CYP2C18: variants seen among roughly 807,000 people sequenced by gnomAD.
The protein encoded by CYP2C18 is cytochrome P450 family 2 subfamily C member 18.
In CYP2C18, 38 loss-of-function variants were observed where a neutral mutation model predicts 41.3. That is an observed-to-expected ratio of 0.92 (90% confidence interval 0.71 to 1.21). The LOEUF (loss-of-function observed/expected upper bound fraction) is 1.21. CYP2C18 is among the 50% of genes most tolerant of loss of function. The pLI, the probability that CYP2C18 is intolerant of heterozygous loss-of-function variation, is 0.00. For synonymous variants in CYP2C18, 236 were observed against 210.0 expected, an observed-to-expected ratio of 1.12 and a Z score of -1.07; for missense variants, 635 against 591.4, an observed-to-expected ratio of 1.07 and a Z score of -0.77.
chr10:94,693,972 C>A (rs926906982), intron 3 of CYP2C18, among the ~76,000 whole-genome samples: 2 of 152,096 alleles, frequency 1.3e-5, no homozygotes, highest in African/African-American at 4.8e-5. Context: ...GTAATCCAAG[C>A]TGAAAATCAG....
In CYP2C18 at chr10:94,694,966, G is replaced by A; in HGVS notation, c.531G>A (p.Val177=). 2.5e-6 allele frequency: 4 copies of A among 1,613,202 alleles called. No homozygotes were observed. Among genetic ancestry groups the A allele is most frequent in the Non-Finnish European group, 3.4e-6 (4 of 1,179,896 alleles). Residue 177 remains valine (V), a synonymous_variant, in exon 4 of 9, where the codon GTG becomes GTA. Coordinates refer to ENST00000285979, the MANE Select transcript of CYP2C18 (RefSeq NM_000772.3). ...TFILGCAPCN[V]ICSVIFHDRF... is the part of the protein sequence containing the mutation. The stretch of plus-strand genomic sequence containing the variant: ...TCCTGGGCTGTGCTCCCTGCAATGT[G>A]ATCTGCTCTGTTATTTTCCATGATC...
chr10:94,701,803 CAGCAG>C (rs1230205814), intron 4 of CYP2C18, among the ~76,000 whole-genome samples: 1 of 152,016 alleles, frequency 6.6e-6, no homozygotes, highest in Non-Finnish European at 1.5e-5. Context: ...ACCTAAACAG[CAGCAG>C]AGAGAATGAG....
At chr10:94,712,007 A>G (rs1847443801) in intron 5 of CYP2C18, among the ~76,000 whole-genome samples, 1 of 88,482 alleles carries the variant, frequency 1.1e-5, no homozygotes, top group Non-Finnish European at 2.2e-5. Flanking sequence ...ATGCCCAACT[A>G]ATTTTTTTTT....
chr10:94,701,534 G>A (rs1847245382), intron 4 of CYP2C18, among the ~76,000 whole-genome samples: 1 of 151,982 alleles, frequency 6.6e-6, no homozygotes, highest in Non-Finnish European at 1.5e-5. Flanking sequence ...AGAGTTAATG[G>A]GTGCAGCACA....
intron 7 of CYP2C18, among the ~76,000 whole-genome samples, chr10:94,727,253 A>T (rs574710455): frequency 6.6e-6 from 1 of 152,262 alleles, no homozygotes; most frequent in African/African-American, 2.4e-5. Context: ...TTGGCTAAAC[A>T]TTTACTTGCG....
At chr10:94,711,514 C>A (rs1310400715) in intron 5 of CYP2C18, among the ~76,000 whole-genome samples, 2 of 151,888 alleles carry the variant, frequency 1.3e-5, no homozygotes, top group Admixed American at 1.3e-4. Flanking sequence ...CTCAAGTGAT[C>A]CTCCCACCTC....
chr10:94,722,182 G>T (rs955829868), intron 6 of CYP2C18, among the ~76,000 whole-genome samples: 22 of 152,052 alleles, frequency 1.4e-4, no homozygotes, highest in African/African-American at 4.8e-4. Flanking sequence ...GTATAATAAA[G>T]GTGTATGATA....
At chr10:94,687,988 A>G in intron 2 of CYP2C18, 56 bp downstream of exon 2, 1 of 1,600,314 alleles carries the variant, frequency 6.2e-7, no homozygotes, top group Non-Finnish European at 8.5e-7. Context: ...GGCAGTGGCT[A>G]TAGGGATGGG....
intron 1 of CYP2C18, among the ~76,000 whole-genome samples, chr10:94,685,222 T>G (rs74615912): frequency 6.6e-4 from 101 of 152,110 alleles, no homozygotes; most frequent in Non-Finnish European, 1.3e-3. Context: ...TTTGTAGAGA[T>G]GTGGTCTCAT....
chr10:94,699,041 A>G (rs921588790), intron 4 of CYP2C18, among the ~76,000 whole-genome samples: 2 of 152,232 alleles, frequency 1.3e-5, no homozygotes, highest in South Asian at 2.1e-4. Flanking sequence ...GCTGAATTCT[A>G]TCATAGGTAC....
chr10:94,714,906 T>C (rs534992910), intron 5 of CYP2C18, among the ~76,000 whole-genome samples: 52 of 152,290 alleles, frequency 3.4e-4, no homozygotes, highest in African/African-American at 1.2e-3. Flanking sequence ...CCCTTGGAAG[T>C]TGGATTCCTG....
At chr10:94,721,913 G>A (rs1005769829) in intron 6 of CYP2C18, among the ~76,000 whole-genome samples, 10 of 151,982 alleles carry the variant, frequency 6.6e-5, no homozygotes, top group African/African-American at 2.4e-4. Flanking sequence ...TCTGTTGATG[G>A]ATGCTTGGGT....
At chr10:94,724,623 G>A in intron 7 of CYP2C18, 90 bp downstream of exon 7, 1 of 1,258,984 alleles carries the variant, frequency 7.9e-7, no homozygotes, top group South Asian at 1.3e-5. Context: ...CACATGATGA[G>A]AGAAGTGTAA....
chr10:94,727,984 A>G (rs998728670), intron 7 of CYP2C18, among the ~76,000 whole-genome samples: 19 of 152,188 alleles, frequency 1.2e-4, no homozygotes, highest in Admixed American at 5.2e-4. Flanking sequence ...ATACATTAAT[A>G]TTATCTAATA....
intron 5 of CYP2C18, among the ~76,000 whole-genome samples, chr10:94,707,908 A>G (rs1847370248): frequency 6.6e-6 from 1 of 152,132 alleles, no homozygotes; most frequent in African/African-American, 2.4e-5. Context: ...GAATTTGAAT[A>G]GTGGTAGGGT....
At position 94,733,443 on chromosome 10, in the gene CYP2C18, T is replaced by C. The variant is rs367854076; in HGVS notation, c.1291+5T>C. The C allele has an allele frequency of 1.2e-6, 2 of 1,612,962 alleles. No homozygotes were observed. Among genetic ancestry groups the C allele is most frequent in the Non-Finnish European group, 8.5e-7 (1 of 1,179,302 alleles). ...ACTTCATGCCTTTCTCAGCAGGTAA[T>C]AGATATTCATTTCCATCTGTCCTTC... On this transcript the variant is annotated splice_donor_5th_base_variant and intron_variant, in intron 8 of 8. Coordinates refer to ENST00000285979, the MANE Select transcript of CYP2C18 (RefSeq NM_000772.3).
chr10:94,695,595 G>A (rs1417424582), intron 4 of CYP2C18, among the ~76,000 whole-genome samples: 1 of 152,090 alleles, frequency 6.6e-6, no homozygotes, highest in Non-Finnish European at 1.5e-5. Flanking sequence ...TCCAACTGAG[G>A]TACTGGGTTC....
At chr10:94,719,902 G>C (rs948206663) in intron 5 of CYP2C18, among the ~76,000 whole-genome samples, 1 of 151,394 alleles carries the variant, frequency 6.6e-6, no homozygotes, top group Non-Finnish European at 1.5e-5. Flanking sequence ...TTAGAGACAG[G>C]GGGTCTCACT....
chr10:94,686,400 A>G (rs1846888320), intron 1 of CYP2C18, among the ~76,000 whole-genome samples: 1 of 152,166 alleles, frequency 6.6e-6, no homozygotes, highest in Non-Finnish European at 1.5e-5. Context: ...TCCTATATGA[A>G]TATTTTCTGT....
Sources: allele counts gnomAD v4.1 joint callset (sites outside exome capture counted in the v4.1 genomes callset), GRCh38; gene constraint gnomAD v4.1.1; transcripts MANE v1.5; gene names NCBI Gene and HGNC (gene_info 2026-07-23, HGNC 2026-07-21).